ARHGAP20: variants seen among roughly 807,000 people sequenced by gnomAD.
ARHGAP20 encodes the protein rho GTPase-activating protein 20.
Under a neutral mutation model 73.7 loss-of-function variants are expected in ARHGAP20, and 34 were observed. The observed-to-expected ratio is 0.46, with a 90% CI of 0.35 to 0.61. The LOEUF (loss-of-function observed/expected upper bound fraction) is 0.61, where lower values mean the gene tolerates loss of function less well. ARHGAP20 is among the 20% of genes least tolerant of loss of function. The pLI is 0.00. For missense variants in ARHGAP20, 1,314 were observed against 1,420.9 expected (o/e 0.92, Z 1.21); for synonymous variants, 523 against 518.2 (o/e 1.01, Z -0.13).
intron 1 of ARHGAP20, among the ~76,000 whole-genome samples, chr11:110,710,392 T>A: frequency 1.3e-5 from 2 of 150,902 alleles, no homozygotes. Context: ...ATAATAAAGC[T>A]CCTCTTTAAT....
intron 2 of ARHGAP20, among the ~76,000 whole-genome samples, chr11:110,650,217 G>A (rs1565458787): frequency 6.6e-6 from 1 of 152,072 alleles, no homozygotes; most frequent in Non-Finnish European, 1.5e-5. Context: ...TTTAATTATA[G>A]TATGTATCGA....
chr11:110,691,891 TGG>T (rs1950249181), intron 1 of ARHGAP20, among the ~76,000 whole-genome samples: 1 of 152,134 alleles, frequency 6.6e-6, no homozygotes, highest in Admixed American at 6.6e-5. Flanking sequence ...AGGAAACACA[TGG>T]GTTAAAAATA....
At chr11:110,681,776 G>A (rs1460100226) in intron 2 of ARHGAP20, among the ~76,000 whole-genome samples, 6 of 152,152 alleles carry the variant, frequency 3.9e-5, no homozygotes, top group Non-Finnish European at 8.8e-5. Flanking sequence ...CAAAGTGGAA[G>A]CCAGTTAGCA....
intron 1 of ARHGAP20, among the ~76,000 whole-genome samples, chr11:110,706,000 T>C (rs1328424547): frequency 6.6e-6 from 1 of 152,148 alleles, no homozygotes; most frequent in African/African-American, 2.4e-5. Flanking sequence ...AGACCAGTGA[T>C]TGTGTCATTG....
intron 9 of ARHGAP20, among the ~76,000 whole-genome samples, chr11:110,603,021 A>C (rs1948145037): frequency 6.6e-6 from 1 of 152,230 alleles, no homozygotes; most frequent in South Asian, 2.1e-4. Flanking sequence ...GCTTGTGAAA[A>C]TTTGAAGTGT....
chr11:110,681,737 T>C (rs1462917579), intron 2 of ARHGAP20, among the ~76,000 whole-genome samples: 3 of 152,170 alleles, frequency 2.0e-5, no homozygotes, highest in Non-Finnish European at 4.4e-5. Flanking sequence ...TGGTGGTGTG[T>C]GGTCATGCAC....
In ARHGAP20 at chr11:110,661,993, G is replaced by A. The variant is rs12285133; in HGVS notation, c.188+28554C>T. On this transcript the variant is annotated intron_variant, in intron 2 of 14. Transcript: ENST00000683387. The stretch of plus-strand genomic sequence containing the variant: ...TAAGGAACTGGCCGAATAAACCATG[G>A]CATACGTAAGCAATGAATTTACAGG... Among the ~76,000 whole-genome samples the A allele has an allele frequency of 6.2e-3, 940 of 152,008 alleles. 10 individuals carry two copies. Among genetic ancestry groups the A allele is most frequent in the African/African-American group, 0.021 (883 of 41,510 alleles).
chr11:110,623,481 A>G (rs1948671778), intron 4 of ARHGAP20, among the ~76,000 whole-genome samples: 1 of 152,206 alleles, frequency 6.6e-6, no homozygotes, highest in Admixed American at 6.5e-5. Context: ...CTAGCATAGG[A>G]GCATGTCTTG....
chr11:110,580,340 T>C lies in ARHGAP20; in HGVS notation c.2606A>G (p.His869Arg). ...GAGACCAGCTTCACAGCTGGTTTTA[T>C]GTTGTTTCTTTGAATAAATTCCCCT... is the stretch of plus-strand genomic sequence containing the variant. ...YLRGIYSKKQ[H>R]KTSCEAGLLH... The change falls in exon 15 of 15, where the codon CAT becomes CGT. Residue 869 changes from histidine to arginine, a missense_variant. By Grantham distance (29) the His-to-Arg change is conservative (BLOSUM62 0). This residue lies in a region of ARHGAP20 where 641 missense variants were observed against 636.9 expected (regional missense o/e 1.01). Coordinates refer to ENST00000683387, the MANE Select transcript of ARHGAP20 (RefSeq NM_001384657.1). The C allele has an allele frequency of 6.2e-7, 1 of 1,614,224 alleles. No individual in the cohort carries two copies.
chr11:110,637,631 C>T (rs1469952833), intron 2 of ARHGAP20, among the ~76,000 whole-genome samples: 1 of 152,072 alleles, frequency 6.6e-6, no homozygotes, highest in African/African-American at 2.4e-5. Context: ...ATGTGCCAGG[C>T]ATAGGAACTA....
At chr11:110,699,320 C>T (rs537308321) in intron 1 of ARHGAP20, among the ~76,000 whole-genome samples, 1 of 151,804 alleles carries the variant, frequency 6.6e-6, no homozygotes, top group Non-Finnish European at 1.5e-5. Flanking sequence ...TCTTTAATGG[C>T]CAAGCATATG....
intron 2 of ARHGAP20, among the ~76,000 whole-genome samples, chr11:110,634,220 T>A (rs1948916297): frequency 1.3e-5 from 2 of 152,056 alleles, no homozygotes; most frequent in African/African-American, 4.8e-5. Flanking sequence ...AGAACTCAAA[T>A]GTCTGGAATT....
At chr11:110,693,514 T>C (rs1314011575) in intron 1 of ARHGAP20, among the ~76,000 whole-genome samples, 1 of 151,926 alleles carries the variant, frequency 6.6e-6, no homozygotes, top group Admixed American at 6.6e-5. Flanking sequence ...ATTCACAGGA[T>C]TCATTCTAAA....
At chr11:110,591,455 G>A (rs903909346) in intron 10 of ARHGAP20, among the ~76,000 whole-genome samples, 10 of 152,178 alleles carry the variant, frequency 6.6e-5, no homozygotes, top group Admixed American at 5.2e-4. Flanking sequence ...AAGGATACTA[G>A]AGACTCAATA....
At chr11:110,611,066 C>T (rs1948355898) in intron 7 of ARHGAP20, among the ~76,000 whole-genome samples, 1 of 151,924 alleles carries the variant, frequency 6.6e-6, no homozygotes, top group Non-Finnish European at 1.5e-5. Flanking sequence ...CATATTGTCA[C>T]TTTAAAATTA....
In ARHGAP20 at chr11:110,583,628, A is replaced by T. The variant is rs1947535004; in HGVS notation, c.1525T>A (p.Leu509Ile). The change falls in exon 13 of 15, where the codon TTA (leucine) becomes ATA (isoleucine). Residue 509 changes from leucine (L) to isoleucine (I), a missense_variant. Around this residue, in one of 3 missense-constraint regions of ARHGAP20, gnomAD observed 230 missense variants for 317.6 expected, o/e 0.72. Transcript: ENST00000683387. ...ATACTTGGAGCGACACACACAGCTA[A>T]ATTAAATGCAGTCATCTGATTGGAT... is the stretch of plus-strand genomic sequence containing the variant. Reference protein sequence around the residue: ...SSSNQMTAFNLAVCVAPSILW... With the variant: ...SSSNQMTAFNIAVCVAPSILW... The T allele has an allele frequency of 1.2e-6, 2 of 1,613,444 alleles. No homozygotes were observed. The highest frequency in any genetic ancestry group is 1.3e-5 in the African/African-American group (1 of 74,996).
In ARHGAP20 at chr11:110,578,728, A is replaced by G. The variant is rs1248659374; in HGVS notation, c.*642T>C. The G allele has an allele frequency of 4.1e-6, 4 of 985,294 alleles. No individual in the cohort carries two copies. Among genetic ancestry groups the G allele is most frequent in the African/African-American group, 3.5e-5 (2 of 57,220 alleles). The allele number at this position is 985,294 out of a possible 1,614,324, so 61.0% of individuals were successfully genotyped here. ...CCGACAAATACAACCAACAAAACTG[A>G]TATCATGGTACCCATGGCTTTTGAG... On this transcript the variant is annotated 3_prime_UTR_variant, in exon 15 of 15. Coordinates refer to ENST00000683387, the MANE Select transcript of ARHGAP20 (RefSeq NM_001384657.1).
intron 2 of ARHGAP20, among the ~76,000 whole-genome samples, chr11:110,641,334 A>G (rs1949073156): frequency 6.6e-6 from 1 of 152,068 alleles, no homozygotes; most frequent in Non-Finnish European, 1.5e-5. Context: ...TCCAAAGAAG[A>G]GAGTAACTAC....
rs1211785144 is a variant in ARHGAP20, at chr11:110,693,586, A to C, written c.106-2957T>G. On this transcript the variant is annotated intron_variant, in intron 1 of 14. Transcript: ENST00000683387. ...CAGGGGCTTAATAGATTTAGATATT[A>C]ATTCATTCAAAATACACTTATCTCT... 3.3e-5 allele frequency among the ~76,000 whole-genome samples: 5 copies of C among 151,992 alleles called. No individual in the cohort carries two copies. In the East Asian group the frequency reaches 9.6e-4, roughly 29 times the overall value.
Sources: gnomAD v4.1 joint callset for allele counts (sites outside exome capture counted in the v4.1 genomes callset) on GRCh38, gnomAD v4.1.1 for gene constraint, gnomAD v4.1.1 regional missense constraint, MANE v1.5 for transcripts, NCBI Gene and HGNC (gene_info 2026-07-23, HGNC 2026-07-21) for gene names.